The following PHF10 variants were observed in gnomAD, a reference collection of about 807,000 sequenced individuals.
PHF10 encodes the protein BRG1-associated factor 45a.
In PHF10, 51 loss-of-function variants were observed where a neutral mutation model predicts 68.5. The observed-to-expected ratio is 0.74, with a 90% confidence interval of 0.59 to 0.94. The LOEUF (loss-of-function observed/expected upper bound fraction) is 0.94. PHF10 is among the 40% of genes least tolerant of loss of function. The probability of loss-of-function intolerance (pLI) is 0.00; values close to 1 mark genes in which losing one functional copy is unlikely to be tolerated. For synonymous variants in PHF10, 204 were observed against 203.5 expected, an observed-to-expected ratio of 1.00 and a Z score of -0.02; for missense variants, 460 against 602.6, an observed-to-expected ratio of 0.76 and a Z score of 2.48.
At chr6:169,705,555 T>C (rs1788753404) in intron 10 of PHF10, 61 bp downstream of exon 10, 3 of 942,318 alleles carry the variant, frequency 3.2e-6, no homozygotes, top group Admixed American at 1.7e-5. Context: ...AACTATAAAT[T>C]CTAGTTTTTG....
chr6:169,705,068 C>A, intron 11 of PHF10, 65 bp downstream of exon 11: 1 of 1,238,202 alleles, frequency 8.1e-7, no homozygotes, highest in Non-Finnish European at 1.1e-6. Flanking sequence ...GTTTATGCAG[C>A]CTTTTGGAGT....
intron 9 of PHF10, chr6:169,707,533 A>G (rs1788829963): frequency 6.6e-6 from 1 of 152,046 alleles, no homozygotes; most frequent in Non-Finnish European, 1.5e-5. Context: ...TGGCATAGTA[A>G]ATACTCTAAT....
chr6:169,709,953 A>C (rs892225940), intron 9 of PHF10: 2 of 212,500 alleles, frequency 9.4e-6, no homozygotes, highest in Non-Finnish European at 1.8e-5. Context: ...CTATGAAATA[A>C]TGTTTTAAAA....
At chr6:169,716,623 G>C (rs896434617) in intron 4 of PHF10, among the ~76,000 whole-genome samples, 11 of 151,978 alleles carry the variant, frequency 7.2e-5, no homozygotes, top group Non-Finnish European at 2.9e-5. Context: ...ATAAAAAGTA[G>C]CCATGTTGCA....
rs982369921 is a variant in PHF10 at position 169,715,596 on chromosome 6, A to C, written c.693+112T>G. On this transcript the variant is annotated intron_variant, in intron 6 of 11. Coordinates refer to ENST00000339209, the MANE Select transcript of PHF10 (RefSeq NM_018288.4). Reference sequence around the variant, plus strand: ...AAACAAAACAAACAAACAAACAAAAAAAACACACACACATAGGTGGTACAA... The same window carrying C: ...AAACAAAACAAACAAACAAACAAAACAAACACACACACATAGGTGGTACAA... The C allele has an allele frequency of 5.3e-6, 5 of 947,146 alleles. No homozygotes were observed. In the Admixed American group the frequency reaches 8.7e-5, roughly 17 times the overall value. The allele number at this position is 947,146 out of a possible 1,614,324, so 58.7% of individuals were successfully genotyped here. A position where few individuals can be genotyped will look rare whatever the true frequency, so the allele number is the denominator to read the frequency against.
At chr6:169,713,041 G>A (rs1013918103) in intron 7 of PHF10, among the ~76,000 whole-genome samples, 5 of 152,140 alleles carry the variant, frequency 3.3e-5, no homozygotes, top group Non-Finnish European at 7.4e-5. Context: ...AAAATTTTTA[G>A]TAACCAATTA....
intron 4 of PHF10, among the ~76,000 whole-genome samples, chr6:169,717,249 A>T (rs565524033): frequency 3.6e-4 from 54 of 151,590 alleles, no homozygotes; most frequent in African/African-American, 1.2e-3. Flanking sequence ...ACTCTGTGTT[A>T]AAAAAAAGAG....
In PHF10 at chr6:169,710,252, G is replaced by C; in HGVS notation, c.1097C>G (p.Ser366Ter). ...TTCTTCTACCTTGTACCCAGGAACT[G>C]ACTTGGACAGTACAGAACGTTTGGG... is the stretch of plus-strand genomic sequence containing the variant. ...DGPKRSVLSK[S>*]VPGYKPKVIP... is the part of the protein sequence containing the mutation. Residue 366 changes from serine to a stop codon, truncating the protein, a stop_gained, in exon 9 of 12, where the codon TCA becomes TGA. Coordinates refer to ENST00000339209, the MANE Select transcript of PHF10 (RefSeq NM_018288.4). LOFTEE classifies it high-confidence loss of function. 1 of 1,611,738 alleles carries C rather than the reference G, an allele frequency of 6.2e-7. No homozygotes were observed. Among genetic ancestry groups the C allele is most frequent in the Non-Finnish European group, 8.5e-7 (1 of 1,179,400 alleles).
At chr6:169,720,435 A>G (rs1008448707) in intron 2 of PHF10, among the ~76,000 whole-genome samples, 2 of 152,232 alleles carry the variant, frequency 1.3e-5, no homozygotes, top group Non-Finnish European at 2.9e-5. Flanking sequence ...AAACAAAATC[A>G]GTATATACAT....
chr6:169,712,789 C>T (rs567342792), intron 7 of PHF10, among the ~76,000 whole-genome samples: 1 of 151,986 alleles, frequency 6.6e-6, no homozygotes, highest in Non-Finnish European at 1.5e-5. Context: ...TTGCCCTCAA[C>T]CCAAAAAAAG....
Position 169,717,901 on chromosome 6 carries a change from C to G in PHF10, c.331G>C (p.Glu111Gln). The G allele has an allele frequency of 1.3e-6, 2 of 1,522,540 alleles. No homozygotes were observed. The highest frequency in any genetic ancestry group is 1.8e-6 in the Non-Finnish European group (2 of 1,107,494). 94.3% of individuals were successfully genotyped at this position (1,522,540 alleles called of 1,614,324 possible). A position where few individuals can be genotyped will look rare whatever the true frequency, so the allele number is the denominator to read the frequency against. ...TCCTTGTGAGACAAATCTCGTCGCT[C>G]TAAATCTCCAAAAAAAAGATCAAAA... The part of the protein sequence containing the change: ...TSFKRKYPDL[E>Q]RRDLSHKEKL... The change falls in exon 4 of 12, where the codon GAG becomes CAG. Residue 111 changes from glutamate (E) to glutamine (Q), a missense_variant. Transcript: ENST00000339209.
chr6:169,704,641 T>G (rs912467032), intron 11 of PHF10: 1 of 169,412 alleles, frequency 5.9e-6, no homozygotes, highest in South Asian at 2.0e-4. Flanking sequence ...TATTATACAG[T>G]GTTAACTATG....
At chr6:169,708,340 T>C (rs1788853472) in intron 9 of PHF10, 1 of 152,180 alleles carries the variant, frequency 6.6e-6, no homozygotes, top group African/African-American at 2.4e-5. Context: ...TACTGTTCTA[T>C]GAATTAAGGG....
At chr6:169,713,598 C>CAA (rs755248180) in intron 7 of PHF10, among the ~76,000 whole-genome samples, 42 of 76,664 alleles carry the variant, frequency 5.5e-4, no homozygotes, top group Admixed American at 3.0e-4. Flanking sequence ...GACTCCATCT[C>CAA]AAAAAAAAAA....
chr6:169,711,812 T>C (rs1788931223), intron 8 of PHF10, among the ~76,000 whole-genome samples: 1 of 152,156 alleles, frequency 6.6e-6, no homozygotes, highest in African/African-American at 2.4e-5. Flanking sequence ...AACACAATGC[T>C]AAAGAAATTC....
intron 11 of PHF10, 89 bp from the exon 12 acceptor site, chr6:169,704,177 A>T: frequency 1.1e-6 from 1 of 897,426 alleles, no homozygotes; most frequent in Non-Finnish European, 1.6e-6. Context: ...CTTAGCTATC[A>T]CTAATGATAT....
chr6:169,704,167 C>T (rs1788687477), intron 11 of PHF10, 79 bp from the exon 12 acceptor site: 5 of 1,022,856 alleles, frequency 4.9e-6, no homozygotes, highest in Non-Finnish European at 7.0e-6. Context: ...ACTCTTCTGC[C>T]TTAGCTATCA....
chr6:169,716,537 C>T (rs1789051837), intron 4 of PHF10, among the ~76,000 whole-genome samples: 1 of 152,038 alleles, frequency 6.6e-6, no homozygotes, highest in African/African-American at 2.4e-5. Context: ...CACACACACA[C>T]ACACCATGGA....
intron 6 of PHF10, among the ~76,000 whole-genome samples, chr6:169,715,471 G>A (rs1317537235): frequency 6.6e-6 from 1 of 152,120 alleles, no homozygotes; most frequent in Non-Finnish European, 1.5e-5. Context: ...GGAGGCTGAG[G>A]CAGAAGCATC....
Sources: allele counts gnomAD v4.1 joint callset (sites outside exome capture counted in the v4.1 genomes callset), GRCh38; gene constraint gnomAD v4.1.1; transcripts MANE v1.5; gene names NCBI Gene and HGNC (gene_info 2026-07-23, HGNC 2026-07-21).